Variants in JAM3 observed in about 807,000 individuals in gnomAD.
JAM3 encodes junctional adhesion molecule 3.
In JAM3, 31 loss-of-function variants were observed where a neutral mutation model predicts 39.4. The observed-to-expected ratio is 0.79, with a 90% CI of 0.59 to 1.06. The LOEUF is 1.06. JAM3 is among the 50% of genes least tolerant of loss of function. JAM3 has a pLI of 0.00. For missense variants in JAM3, 455 were observed against 391.4 expected (o/e 1.16, Z -1.37); for synonymous variants, 182 against 148.7 (o/e 1.22, Z -1.63).
Position 134,148,656 on chromosome 11 carries a change from C to A in JAM3, c.822C>A (p.Asn274Lys). The A allele has an allele frequency of 6.2e-7, 1 of 1,614,040 alleles. No homozygotes were observed. Among genetic ancestry groups the A allele is most frequent in the Non-Finnish European group, 8.5e-7 (1 of 1,180,024 alleles). The change falls in exon 7 of 9, where the codon AAC (asparagine) becomes AAA (lysine). Residue 274 changes from asparagine (N) to lysine (K), a missense_variant. Coordinates refer to ENST00000299106, the MANE Select transcript of JAM3 (RefSeq NM_032801.5). ...CCAYRRGYFI[N>K]NKQDGESYKN... ...CATACAGACGTGGCTACTTCATCAACAATAAACAGGATGGAGAAAGGTGAG... is the reference window on the plus strand; with the variant it reads ...CATACAGACGTGGCTACTTCATCAAAAATAAACAGGATGGAGAAAGGTGAG...
At chr11:134,142,852 CTG>C (rs533498421) in intron 3 of JAM3, among the ~76,000 whole-genome samples, 70 of 152,328 alleles carry the variant, frequency 4.6e-4, no homozygotes, top group Middle Eastern at 3.4e-3. Flanking sequence ...TGGATAGAAA[CTG>C]TGGTCTTCCA....
At chr11:134,147,117 C>T (rs945439452) in intron 6 of JAM3, among the ~76,000 whole-genome samples, 3 of 152,132 alleles carry the variant, frequency 2.0e-5, no homozygotes, top group African/African-American at 2.4e-5. Flanking sequence ...CTACTTTAGC[C>T]TATTGACTTT....
intron 1 of JAM3, among the ~76,000 whole-genome samples, chr11:134,095,238 C>A (rs1219007905): frequency 1.3e-5 from 2 of 152,174 alleles, no homozygotes; most frequent in African/African-American, 4.8e-5. Context: ...TGAAGAAATA[C>A]ACCTGTTAGG....
At chr11:134,124,383 AAT>A (rs1942601023) in intron 1 of JAM3, 2 of 632,690 alleles carry the variant, frequency 3.2e-6, no homozygotes, top group Non-Finnish European at 5.7e-6. Flanking sequence ...AAGTGAAAGA[AAT>A]CAATAAATCA....
chr11:134,111,133 C>CTTTTTTTTTTTTTTTTTTT lies in JAM3; in HGVS notation c.77-28708_77-28690dup, dbSNP rs71038561. Among the ~76,000 whole-genome samples the CTTTTTTTTTTTTTTTTTTT allele has an allele frequency of 1.7e-4, 15 of 86,776 alleles. 2 individuals are homozygous for CTTTTTTTTTTTTTTTTTTT. The highest frequency in any genetic ancestry group is 8.3e-4 in the African/African-American group (15 of 18,144). The allele number at this position is 86,776 out of a possible 152,430, so 56.9% of individuals were successfully genotyped here. ...TGTACCATACCCAACACACATCCATCTTTTTTTTTTTTTTTTTTTTTTTTT... is the reference window on the plus strand; with the variant it reads ...TGTACCATACCCAACACACATCCATCTTTTTTTTTTTTTTTTTTTTTTTTTTTTTTTTTTTTTTTTTTTT... On this transcript the variant is annotated intron_variant, in intron 1 of 8. Transcript: ENST00000299106.
At chr11:134,122,793 C>T (rs1205169360) in intron 1 of JAM3, among the ~76,000 whole-genome samples, 1 of 152,196 alleles carries the variant, frequency 6.6e-6, no homozygotes, top group Non-Finnish European at 1.5e-5. Context: ...ATTCACAGTA[C>T]AAGTCCTAAA....
chr11:134,083,977 C>CT (rs959613578), intron 1 of JAM3, among the ~76,000 whole-genome samples: 1 of 151,936 alleles, frequency 6.6e-6, no homozygotes, highest in Non-Finnish European at 1.5e-5. Context: ...CTTTTTTTCT[C>CT]TTTTTTCTAT....
chr11:134,139,281 A>AT (rs1184564661), intron 1 of JAM3, among the ~76,000 whole-genome samples: 4 of 152,172 alleles, frequency 2.6e-5, no homozygotes, highest in Non-Finnish European at 5.9e-5. Flanking sequence ...TTATATTATT[A>AT]TTTTTCTCAT....
In JAM3 at chr11:134,148,813, G is replaced by T. The variant is rs748905480; in HGVS notation, c.892G>T (p.Glu298Ter). 7 of 1,614,006 alleles carry T rather than the reference G, an allele frequency of 4.3e-6. No individual in the cohort carries two copies. Among genetic ancestry groups the T allele is most frequent in the Non-Finnish European group, 5.9e-6 (7 of 1,179,922 alleles). The change falls in exon 8 of 9, where the codon GAG (glutamate) becomes TAG (stop). Residue 298 changes from glutamate (E) to a stop codon, truncating the protein, a stop_gained. Coordinates refer to ENST00000299106, the MANE Select transcript of JAM3 (RefSeq NM_032801.5). LOFTEE classifies it high-confidence loss of function. ...TGGAGTTAACTACATCCGCACTGACGAGGAGGTAATCATTTAGTAAACCTG... is the reference window on the plus strand; with the variant it reads ...TGGAGTTAACTACATCCGCACTGACTAGGAGGTAATCATTTAGTAAACCTG... Reference protein sequence around the residue: ...PDGVNYIRTDEEGDFRHKSSF... With the variant: ...PDGVNYIRTD
At chr11:134,102,639 C>T (rs1488781287) in intron 1 of JAM3, among the ~76,000 whole-genome samples, 3 of 152,134 alleles carry the variant, frequency 2.0e-5, no homozygotes, top group Non-Finnish European at 4.4e-5. Flanking sequence ...AAATGGCTAA[C>T]TAGAGTAACC....
intron 1 of JAM3, among the ~76,000 whole-genome samples, chr11:134,106,013 G>A (rs1429539025): frequency 1.3e-5 from 2 of 152,074 alleles, no homozygotes; most frequent in East Asian, 3.9e-4. Flanking sequence ...AAGTTCCTAT[G>A]GAACCAAAAA....
chr11:134,122,429 G>T (rs183882808), intron 1 of JAM3, among the ~76,000 whole-genome samples: 22 of 152,274 alleles, frequency 1.4e-4, no homozygotes, highest in Admixed American at 9.8e-4. Context: ...GATCGTAACT[G>T]CCTTCCACAA....
chr11:134,137,269 A>G (rs953656674), intron 1 of JAM3, among the ~76,000 whole-genome samples: 2 of 152,320 alleles, frequency 1.3e-5, no homozygotes, highest in African/African-American at 4.8e-5. Flanking sequence ...AAAGATACAT[A>G]TCTCAGTTGG....
intron 1 of JAM3, among the ~76,000 whole-genome samples, chr11:134,112,555 CT>C (rs1942336502): frequency 6.6e-6 from 1 of 152,156 alleles, no homozygotes; most frequent in South Asian, 2.1e-4. Flanking sequence ...ACATATTTTG[CT>C]AACATTTCCT....
chr11:134,087,442 T>C (rs187682451), intron 1 of JAM3, among the ~76,000 whole-genome samples: 1 of 152,358 alleles, frequency 6.6e-6, no homozygotes, highest in East Asian at 1.9e-4. Flanking sequence ...ATATTCATAT[T>C]CATTTGAAAG....
At chr11:134,146,208 CT>C (rs1184002453) in intron 6 of JAM3, among the ~76,000 whole-genome samples, 163 bp downstream of exon 6, 1 of 152,202 alleles carries the variant, frequency 6.6e-6, no homozygotes, top group Admixed American at 6.5e-5. Flanking sequence ...GAAGGGAAGG[CT>C]GAGAAAACCG....
At chr11:134,148,522 T>C in intron 6 of JAM3, 25 bp from the exon 7 acceptor site, 1 of 1,614,142 alleles carries the variant, frequency 6.2e-7, no homozygotes, top group Non-Finnish European at 8.5e-7. Context: ...GTATCATGGC[T>C]TCCACCAAAC....
chr11:134,081,216 G>C (rs1263805500), intron 1 of JAM3, among the ~76,000 whole-genome samples: 2 of 152,206 alleles, frequency 1.3e-5, no homozygotes, highest in East Asian at 3.8e-4. Context: ...TGATATTAAA[G>C]AAAATCTTGT....
At chr11:134,140,114 A>G (rs900055097) in intron 2 of JAM3, among the ~76,000 whole-genome samples, 198 bp downstream of exon 2, 2 of 152,222 alleles carry the variant, frequency 1.3e-5, no homozygotes, top group Non-Finnish European at 2.9e-5. Context: ...ATCAGCTGTC[A>G]TCGCACTCCT....
Sources: gnomAD v4.1 joint callset for allele counts (sites outside exome capture counted in the v4.1 genomes callset) on GRCh38, gnomAD v4.1.1 for gene constraint, MANE v1.5 for transcripts, NCBI Gene and HGNC (gene_info 2026-07-23, HGNC 2026-07-21) for gene names.